Variants in ADORA2A observed in about 807,000 individuals in gnomAD.
ADORA2A encodes the protein adenosine receptor A2a.
In ADORA2A, 11 loss-of-function variants were observed where a neutral mutation model predicts 18.4. The ratio of observed to expected loss-of-function variants is 0.60; its 90% CI spans 0.38 to 0.99. ADORA2A has a LOEUF of 0.99. Ranked by LOEUF, ADORA2A falls within the 50% of genes least tolerant of loss-of-function variation. ADORA2A has a pLI of 0.01. For missense variants in ADORA2A, 449 were observed against 556.1 expected (o/e 0.81, Z 1.94); for synonymous variants, 218 against 237.3 (o/e 0.92, Z 0.75).
upstream of ADORA2A, among the ~76,000 whole-genome samples, chr22:24,426,577 G>A (rs1339703807): frequency 6.6e-6 from 1 of 152,186 alleles, no homozygotes; most frequent in Non-Finnish European, 1.5e-5. Context: ...TGGAGCTGGG[G>A]TGCAGAGAGG....
At position 24,433,421 on chromosome 22, in the gene ADORA2A, C is replaced by T. The variant is rs752957802; in HGVS notation, c.17C>T (p.Ser6Phe). The T allele has an allele frequency of 6.2e-7, 1 of 1,612,536 alleles. No homozygotes were observed. The highest frequency in any genetic ancestry group is 1.3e-5 in the African/African-American group (1 of 75,012). Residue 6 changes from serine (S) to phenylalanine (F), a missense_variant, in exon 2 of 3, where the codon TCC becomes TTC. Transcript: ENST00000337539. MPIMG[S>F]SVYITVELAI... ...TCTGTGGCCATGCCCATCATGGGCT[C>T]CTCGGTGTACATCACGGTGGAGCTG...
At chr22:24,431,184 T>C (rs1179840330) in intron 1 of ADORA2A, 1 of 456,778 alleles carries the variant, frequency 2.2e-6, no homozygotes, top group African/African-American at 2.0e-5. Flanking sequence ...AAGTGCTCCA[T>C]GGAAAGCAGG....
intron 2 of ADORA2A, among the ~76,000 whole-genome samples, chr22:24,439,073 T>G (rs899979162): frequency 1.8e-5 from 1 of 56,478 alleles, no homozygotes; most frequent in African/African-American, 6.2e-5. Flanking sequence ...CCCTTGCACC[T>G]TTTTTTTTTT....
At position 24,436,410 on chromosome 22, in the gene ADORA2A, T is replaced by TA. The variant is rs1217015526; in HGVS notation, c.332+2682dup. On this transcript the variant is annotated intron_variant, in intron 2 of 2. Transcript: ENST00000337539. Reference sequence around the variant, plus strand: ...CCCCACTCTCCATTAACTTTTTTTTTAAAAAAAAGAACTCAGTTTTGGAAA... The same window carrying TA: ...CCCCACTCTCCATTAACTTTTTTTTTAAAAAAAAAGAACTCAGTTTTGGAAA... 4.0e-5 allele frequency among the ~76,000 whole-genome samples: 6 copies of TA among 151,864 alleles called. No individual in the cohort carries two copies. The South Asian group carries it at 6.2e-4, about 16-fold the overall frequency.
chr22:24,430,411 T>TATAGTC (rs2043002218), intron 1 of ADORA2A: 1 of 153,188 alleles, frequency 6.5e-6, no homozygotes, highest in Admixed American at 6.5e-5. Context: ...GTGGCTTCAG[T>TATAGTC]ATAGTCAAGA....
At chr22:24,434,349 A>G (rs1374734241) in intron 2 of ADORA2A, among the ~76,000 whole-genome samples, 2 of 152,244 alleles carry the variant, frequency 1.3e-5, no homozygotes, top group Non-Finnish European at 2.9e-5. Flanking sequence ...CCAAGGACTC[A>G]TCGTCTTAGA....
intron 2 of ADORA2A, among the ~76,000 whole-genome samples, chr22:24,437,769 G>A (rs2043215719): frequency 6.6e-6 from 1 of 152,252 alleles, no homozygotes. Context: ...GAGTACGGTG[G>A]AAGACTCCCC....
At chr22:24,431,435 T>TG (rs759322671) in intron 1 of ADORA2A, 1 of 456,616 alleles carries the variant, frequency 2.2e-6, no homozygotes, top group South Asian at 1.5e-5. Context: ...GAGGGAAAGT[T>TG]GGGGTCTGTG....
chr22:24,431,696 G>T lies in ADORA2A; in HGVS notation c.-274-1435G>T, dbSNP rs536972163. 4.0e-3 allele frequency: 1,427 copies of T among 356,058 alleles called. 11 individuals carry two copies. Among genetic ancestry groups the T allele is most frequent in the Non-Finnish European group, 5.1e-3 (912 of 180,094 alleles). 22.1% of individuals were successfully genotyped at this position (356,058 alleles called of 1,614,324 possible). Reference sequence around the variant, plus strand: ...CCATGAGGGTTCAGGATTGGAGGGGGTAGATTTGGGGGCCTCTTAGCTCTC... The same window carrying T: ...CCATGAGGGTTCAGGATTGGAGGGGTTAGATTTGGGGGCCTCTTAGCTCTC... On this transcript the variant is annotated intron_variant, in intron 1 of 2. Coordinates refer to ENST00000337539, the MANE Select transcript of ADORA2A (RefSeq NM_000675.6).
chr22:24,430,112 T>G (rs973065112), intron 1 of ADORA2A: 1 of 152,334 alleles, frequency 6.6e-6, no homozygotes, highest in African/African-American at 2.4e-5. Flanking sequence ...TGCCTCTGAC[T>G]CCACTGATCT....
At chr22:24,424,761 G>A (rs2042899384), upstream of ADORA2A, among the ~76,000 whole-genome samples, 1 of 152,198 alleles carries the variant, frequency 6.6e-6, no homozygotes, top group African/African-American at 2.4e-5. This position sits in a 1 kb window ranked among gnomAD's most constrained non-coding sequence, Gnocchi z 4.9. Flanking sequence ...CGGAGCGGAG[G>A]TAGGAATGGC....
chr22:24,431,408 C>T (rs531264052), intron 1 of ADORA2A: 4 of 456,674 alleles, frequency 8.8e-6, no homozygotes, highest in African/African-American at 4.0e-5. Flanking sequence ...CTTGAGGTGC[C>T]GACAGCATTG....
intron 1 of ADORA2A, chr22:24,431,147 G>A (rs765106649): frequency 1.1e-5 from 5 of 456,708 alleles, no homozygotes; most frequent in African/African-American, 2.0e-5. Context: ...CCCTGCCAAC[G>A]ACACACTTTG....
chr22:24,440,174 A>T (rs1216495338), intron 2 of ADORA2A, among the ~76,000 whole-genome samples: 7 of 152,192 alleles, frequency 4.6e-5, no homozygotes, highest in African/African-American at 1.7e-4. Context: ...GATCTTGGTT[A>T]AGGCTGCGAC....
At chr22:24,438,596 G>C (rs17004920) in intron 2 of ADORA2A, 6,321 of 152,210 alleles carry the variant, frequency 0.042, 205 homozygotes, top group African/African-American at 0.086. Flanking sequence ...CCACGGAATG[G>C]AGCTGAGGAG....
At position 24,441,651 on chromosome 22, in the gene ADORA2A, A is replaced by C. The variant is rs1322212453; in HGVS notation, c.*162A>C. 17 of 654,058 alleles carry C rather than the reference A, an allele frequency of 2.6e-5. No individual in the cohort carries two copies. Among genetic ancestry groups the C allele is most frequent in the Non-Finnish European group, 2.8e-5 (12 of 434,236 alleles). 40.5% of individuals were successfully genotyped at this position (654,058 alleles called of 1,614,324 possible). A position where few individuals can be genotyped will look rare whatever the true frequency, so the allele number is the denominator to read the frequency against. ...GGGAGCCCCAGGCTGGAGCAGCATG[A>C]GGCCCAGCAAGAAGGGCTTGGGTTC... is the stretch of plus-strand genomic sequence containing the variant. On this transcript the variant is annotated 3_prime_UTR_variant, in exon 3 of 3. Coordinates refer to ENST00000337539, the MANE Select transcript of ADORA2A (RefSeq NM_000675.6).
chr22:24,440,479 T>C (rs1363091842), intron 2 of ADORA2A, 104 bp from the exon 3 acceptor site: 1 of 1,180,864 alleles, frequency 8.5e-7, no homozygotes, highest in Admixed American at 2.3e-5. Flanking sequence ...TCCAAGACCT[T>C]ACAGTCAGGA....
At chr22:24,436,222 T>C (rs2043173781) in intron 2 of ADORA2A, among the ~76,000 whole-genome samples, 1 of 152,118 alleles carries the variant, frequency 6.6e-6, no homozygotes, top group Admixed American at 6.6e-5. Flanking sequence ...AAGCGGGGTA[T>C]GAAAGGAACT....
chr22:24,436,292 T>G (rs528399901), intron 2 of ADORA2A, among the ~76,000 whole-genome samples: 19 of 152,268 alleles, frequency 1.2e-4, no homozygotes, highest in Middle Eastern at 3.4e-3. Context: ...CCCTCCTCCT[T>G]TCTCAGCTGG....
Sources: gnomAD v4.1 joint callset for allele counts (sites outside exome capture counted in the v4.1 genomes callset) on GRCh38, gnomAD v4.1.1 for gene constraint, Gnocchi (gnomAD v3.1) non-coding constraint, MANE v1.5 for transcripts, NCBI Gene and HGNC (gene_info 2026-07-23, HGNC 2026-07-21) for gene names.